Variants in RBBP4 observed in about 807,000 individuals in gnomAD.
The protein encoded by RBBP4 is histone-binding protein RBBP4.
RBBP4 carries 3 observed loss-of-function variants against 57.2 expected under a neutral mutation model. That is an observed-to-expected ratio of 0.05 (90% CI 0.02 to 0.14). RBBP4 has a LOEUF of 0.14. RBBP4 is among the 10% of genes least tolerant of loss of function. The pLI is 1.00. For synonymous variants in RBBP4, 151 were observed against 171.5 expected (o/e 0.88, Z 0.93); for missense variants, 107 against 520.6 (o/e 0.21, Z 7.73).
rs1289457499 is a variant in RBBP4, at chr1:32,668,719, A to T, written c.485-20A>T. 6.3e-7 allele frequency: 1 copy of T among 1,594,814 alleles called. No homozygotes were observed. The highest frequency in any genetic ancestry group is 1.3e-5 in the African/African-American group (1 of 74,454). ...AGAGCCAGTGGACTGGGTAGTCTTG[A>T]TGTGTCTGTCACTTTGCAGATCCTT... On this transcript the variant is annotated intron_variant, in intron 4 of 11. Coordinates refer to ENST00000373493, the MANE Select transcript of RBBP4 (RefSeq NM_005610.3).
intron 3 of RBBP4, among the ~76,000 whole-genome samples, chr1:32,658,339 A>ATT (rs1648234325): frequency 6.9e-6 from 1 of 144,186 alleles, no homozygotes; most frequent in African/African-American, 2.6e-5. Flanking sequence ...AGTTCTTAAA[A>ATT]GAGTTCTTAG....
At chr1:32,656,708 C>G (rs926659962) in intron 2 of RBBP4, among the ~76,000 whole-genome samples, 1 of 152,032 alleles carries the variant, frequency 6.6e-6, no homozygotes. Context: ...GTACTTCCAT[C>G]GCGTTTGGAG....
chr1:32,658,784 A>G (rs900363111), intron 3 of RBBP4, among the ~76,000 whole-genome samples: 1 of 151,648 alleles, frequency 6.6e-6, no homozygotes, highest in Non-Finnish European at 1.5e-5. Context: ...CGGACCTCAA[A>G]TGATCCTCCT....
intron 11 of RBBP4, 87 bp downstream of exon 11, chr1:32,672,988 C>A (rs906809386): frequency 1.8e-6 from 2 of 1,108,024 alleles, no homozygotes; most frequent in African/African-American, 3.1e-5. Flanking sequence ...ATTACAGCTA[C>A]CATCTCTGTT....
At chr1:32,652,236 C>T (rs551252704) in intron 2 of RBBP4, 175 bp downstream of exon 2, 2 of 718,076 alleles carry the variant, frequency 2.8e-6, no homozygotes, top group East Asian at 2.7e-5. Flanking sequence ...TTGTAACTTA[C>T]CTGACAAGAG....
chr1:32,658,268 T>C (rs552875855), intron 3 of RBBP4, among the ~76,000 whole-genome samples: 4 of 151,350 alleles, frequency 2.6e-5, no homozygotes, highest in Admixed American at 6.6e-5. Flanking sequence ...AGCACAGATA[T>C]GCACAGAGGA....
chr1:32,662,514 T>G (rs1199606797), intron 3 of RBBP4, among the ~76,000 whole-genome samples: 1 of 151,712 alleles, frequency 6.6e-6, no homozygotes, highest in Admixed American at 6.6e-5. Context: ...GTAGCTGGGA[T>G]TACAGGCATG....
At chr1:32,662,202 T>C in intron 3 of RBBP4, 3 of 332,198 alleles carry the variant, frequency 9.0e-6, no homozygotes, top group South Asian at 2.2e-5. Context: ...TTTTTTGGGG[T>C]TTTGTTTTAT....
intron 3 of RBBP4, among the ~76,000 whole-genome samples, chr1:32,662,916 G>A (rs893919833): frequency 6.6e-6 from 1 of 151,934 alleles, no homozygotes; most frequent in Non-Finnish European, 1.5e-5. Flanking sequence ...CCCAGGAGGC[G>A]GAGGTTGCAG....
At chr1:32,678,372 G>T (rs756538131) in intron 11 of RBBP4, among the ~76,000 whole-genome samples, 1 of 151,600 alleles carries the variant, frequency 6.6e-6, no homozygotes, top group Non-Finnish European at 1.5e-5. Flanking sequence ...GATTACAGGC[G>T]CCTGTCACCA....
chr1:32,651,566 C>T (rs1001243097), intron 1 of RBBP4: 19 of 1,091,280 alleles, frequency 1.7e-5, no homozygotes, highest in Admixed American at 7.4e-5. Flanking sequence ...CTTCCTGCCT[C>T]CGATATCGGT....
At chr1:32,664,156 C>T (rs1648548377) in intron 3 of RBBP4, among the ~76,000 whole-genome samples, 1 of 152,122 alleles carries the variant, frequency 6.6e-6, no homozygotes, top group Non-Finnish European at 1.5e-5. Flanking sequence ...TCTTGATCTC[C>T]TGAACCCTGT....
chr1:32,664,299 A>G (rs1480713113), intron 3 of RBBP4, among the ~76,000 whole-genome samples: 1 of 152,038 alleles, frequency 6.6e-6, no homozygotes. Flanking sequence ...GGTTTTCTTT[A>G]TGGTTTAGGA....
chr1:32,686,031 G>A lies in RBBP4; in HGVS notation c.*6326G>A, dbSNP rs1231987968. The A allele has an allele frequency of 2.0e-5, 3 of 152,142 alleles. No homozygotes were observed. Among genetic ancestry groups the A allele is most frequent in the Non-Finnish European group, 4.4e-5 (3 of 68,028 alleles). 9.4% of individuals were successfully genotyped at this position (152,142 alleles called of 1,614,324 possible). On this transcript the variant is annotated 3_prime_UTR_variant, in exon 12 of 12. Transcript: ENST00000373493. ...CTAGCCCTGGACTACTAGTACCGAA[G>A]TCACTAGTCACATAGGACTCATTTG...
rs1167656450 is a variant in RBBP4, at chr1:32,659,396, A to T, written c.310+1824A>T. ...GCCAACATAGTGAAACCCTGTCTCT[A>T]CTAAAAATACAAAATTAGCCATGTG... On this transcript the variant is annotated intron_variant, in intron 3 of 11. Coordinates refer to ENST00000373493, the MANE Select transcript of RBBP4 (RefSeq NM_005610.3). 3.3e-5 allele frequency among the ~76,000 whole-genome samples: 5 copies of T among 152,010 alleles called. No individual in the cohort carries two copies. The South Asian group carries it at 1.0e-3, about 32-fold the overall frequency.
At position 32,669,364 on chromosome 1, in the gene RBBP4, T is replaced by G; in HGVS notation, c.888+7T>G. 1 of 1,590,898 alleles carries G rather than the reference T, an allele frequency of 6.3e-7. No individual in the cohort carries two copies. The highest frequency in any genetic ancestry group is 8.5e-7 in the Non-Finnish European group (1 of 1,174,376). ...CACAGGATCAGCTGACAAGGTCAGT[T>G]TCGTTTATTTTAATAGAAAACATAA... On this transcript the variant is annotated splice_region_variant and intron_variant, in intron 7 of 11. Transcript: ENST00000373493. The surrounding 1 kb of genome is among the most constrained non-coding windows in gnomAD (Gnocchi z 4.9).
rs778757806 is a variant in RBBP4, at chr1:32,669,214, T to G, written c.762-17T>G. On this transcript the variant is annotated splice_polypyrimidine_tract_variant and intron_variant, in intron 6 of 11. Transcript: ENST00000373493. The surrounding 1 kb of genome is among the most constrained non-coding windows in gnomAD (Gnocchi z 4.9). ...ACCATTTCAAGGTTTTTTTCCTTTG[T>G]TTTTTTTTCACTGAAGTTGGGATAC... 3 of 1,599,364 alleles carry G rather than the reference T, an allele frequency of 1.9e-6. No individual in the cohort carries two copies. Among genetic ancestry groups the G allele is most frequent in the African/African-American group, 1.4e-5 (1 of 73,474 alleles).
In RBBP4 at chr1:32,667,740, T is replaced by A. The variant is rs541223363; in HGVS notation, c.311-485T>A. On this transcript the variant is annotated intron_variant, in intron 3 of 11. Coordinates refer to ENST00000373493, the MANE Select transcript of RBBP4 (RefSeq NM_005610.3). ...TCCGTGGGGAATTGTTTCCAAGACC[T>A]CCTTTGGATACCAAAATTCACAGAT... Among the ~76,000 whole-genome samples, 3 of 152,304 alleles carry A rather than the reference T, an allele frequency of 2.0e-5. No individual in the cohort carries two copies. The East Asian group carries it at 5.8e-4, about 29-fold the overall frequency.
rs1488021039 is a variant in RBBP4, at chr1:32,668,965, A to G, written c.601-7A>G. On this transcript the variant is annotated splice_polypyrimidine_tract_variant and splice_region_variant and intron_variant, in intron 5 of 11. Coordinates refer to ENST00000373493, the MANE Select transcript of RBBP4 (RefSeq NM_005610.3). ...CCTTTTATATAATGGTTAATTTTAC[A>G]TTTAAGACCATCTGCCTGTGGGACA... 6.2e-7 allele frequency: 1 copy of G among 1,614,078 alleles called. No homozygotes were observed. The highest frequency in any genetic ancestry group is 8.5e-7 in the Non-Finnish European group (1 of 1,180,006).
Sources: allele counts gnomAD v4.1 joint callset (sites outside exome capture counted in the v4.1 genomes callset), GRCh38; gene constraint gnomAD v4.1.1; non-coding constraint Gnocchi (gnomAD v3.1); transcripts MANE v1.5; gene names NCBI Gene and HGNC (gene_info 2026-07-23, HGNC 2026-07-21).